Variants in CDR2 observed in about 807,000 individuals in gnomAD.
CDR2 encodes the protein cerebellar degeneration related protein 2, also known as cerebellar degeneration-related protein 2.
Under a neutral mutation model 48.4 loss-of-function variants are expected in CDR2, and 34 were observed. The observed-to-expected ratio is 0.70, with a 90% CI of 0.53 to 0.94. The LOEUF is 0.94. Among genes scored for constraint, CDR2 ranks in the 40% least tolerant of loss-of-function variants. The probability of loss-of-function intolerance (pLI) is 0.00; values close to 1 mark genes in which losing one functional copy is unlikely to be tolerated. For missense variants in CDR2, 498 were observed against 549.5 expected (o/e 0.91, Z 0.94); for synonymous variants, 240 against 219.7 (o/e 1.09, Z -0.82).
chr16:22,374,093 G>T (rs1179172769), intron 1 of CDR2, 138 bp downstream of exon 1: 2 of 552,424 alleles, frequency 3.6e-6, no homozygotes, highest in Non-Finnish European at 6.3e-6. Flanking sequence ...GGCACGGCCG[G>T]CCCAGCCGCC....
intron 2 of CDR2, among the ~76,000 whole-genome samples, chr16:22,362,601 G>A (rs1267384283): frequency 3.9e-5 from 6 of 152,290 alleles, no homozygotes; most frequent in African/African-American, 9.6e-5. Context: ...CATAGACTAC[G>A]ATAATACAAT....
rs913401691 is a variant in CDR2, at chr16:22,374,331, C to T, written c.-22G>A. On this transcript the variant is annotated 5_prime_UTR_variant, in exon 1 of 5. Coordinates refer to ENST00000268383, the MANE Select transcript of CDR2 (RefSeq NM_001802.2). ...GCATCTCGGCTGGGTCTTCTAGGGG[C>T]AGCGGCCCCCGCCGCCGTCCCGCCT... 4 of 1,553,288 alleles carry T rather than the reference C, an allele frequency of 2.6e-6. No individual in the cohort carries two copies. Among genetic ancestry groups the T allele is most frequent in the African/African-American group, 1.4e-5 (1 of 70,802 alleles).
At chr16:22,358,715 C>G (rs886270949) in intron 2 of CDR2, among the ~76,000 whole-genome samples, 1 of 152,042 alleles carries the variant, frequency 6.6e-6, no homozygotes, top group Non-Finnish European at 1.5e-5. Context: ...GAAATATTTC[C>G]TATTACTTTT....
chr16:22,351,242 T>C (rs1242580352), intron 2 of CDR2, among the ~76,000 whole-genome samples: 1 of 152,238 alleles, frequency 6.6e-6, no homozygotes, highest in Non-Finnish European at 1.5e-5. Flanking sequence ...TGTGCCACAT[T>C]TTCTTAATCC....
At chr16:22,364,724 G>A (rs1455952166) in intron 2 of CDR2, among the ~76,000 whole-genome samples, 178 bp downstream of exon 2, 7 of 152,120 alleles carry the variant, frequency 4.6e-5, no homozygotes, top group Admixed American at 4.6e-4. Flanking sequence ...TTAGCCAGGC[G>A]TGGTGGCAGG....
chr16:22,361,741 A>C (rs1238850920), intron 2 of CDR2, among the ~76,000 whole-genome samples: 1 of 152,208 alleles, frequency 6.6e-6, no homozygotes, highest in Admixed American at 6.5e-5. Context: ...TTCTTAGCCA[A>C]AAACAGCTTT....
intron 1 of CDR2, 129 bp from the exon 2 acceptor site, chr16:22,365,143 A>C (rs761162326): frequency 3.2e-6 from 2 of 623,204 alleles, no homozygotes; most frequent in Non-Finnish European, 5.7e-6. Flanking sequence ...GCACAGAAGG[A>C]AACCCGAGTT....
At chr16:22,358,167 TG>T (rs576856698) in intron 2 of CDR2, among the ~76,000 whole-genome samples, 1 of 152,044 alleles carries the variant, frequency 6.6e-6, no homozygotes, top group Non-Finnish European at 1.5e-5. Context: ...TAGAAGGAAA[TG>T]GGTTAGCTTA....
rs150205065 is a variant in CDR2, at chr16:22,347,185, G to C, written c.1145C>G (p.Ser382Cys). The change falls in exon 5 of 5, where the codon TCC (serine) becomes TGC (cysteine). Residue 382 changes from serine (S) to cysteine (C), a missense_variant. By Grantham distance (112) the Ser-to-Cys change is moderately radical (BLOSUM62 -1). Transcript: ENST00000268383. ...AGTCAGGTCCTTGGCTGCAGCCCTG[G>C]AGGTCTGCACAGCCTTGTGTGACAG... ...DSLSHKAVQTSRAAAKDLTGV... is the reference protein window; with the variant it reads ...DSLSHKAVQTCRAAAKDLTGV... The C allele has an allele frequency of 6.2e-7, 1 of 1,614,170 alleles. No individual in the cohort carries two copies. The highest frequency in any genetic ancestry group is 8.5e-7 in the Non-Finnish European group (1 of 1,179,990).
At chr16:22,364,114 AT>A (rs529678025) in intron 2 of CDR2, among the ~76,000 whole-genome samples, 4 of 150,238 alleles carry the variant, frequency 2.7e-5, no homozygotes, top group Non-Finnish European at 5.9e-5. Context: ...TAATTTTTGT[AT>A]TTTTTTTTGT....
chr16:22,374,164 A>T, intron 1 of CDR2, 67 bp downstream of exon 1: 1 of 1,058,544 alleles, frequency 9.4e-7, no homozygotes, highest in Non-Finnish European at 1.4e-6. Context: ...GCAACTTTTT[A>T]ACAGTTTCGC....
chr16:22,349,504 G>C, intron 3 of CDR2, 61 bp from the exon 4 acceptor site: 1 of 1,588,928 alleles, frequency 6.3e-7, no homozygotes, highest in South Asian at 1.1e-5. Flanking sequence ...CAAAAGCGGT[G>C]AGGAGAGATT....
rs560180031 is a variant in CDR2, at chr16:22,352,274, G to T, written c.193-2425C>A. Among the ~76,000 whole-genome samples the T allele has an allele frequency of 6.6e-5, 10 of 152,124 alleles. No individual in the cohort carries two copies. The South Asian group carries it at 2.1e-3, about 32-fold the overall frequency. ...CACAACACAACACACTCTTCTTGAG[G>T]CTTTTTCTACAACTCTAGAAGGATT... On this transcript the variant is annotated intron_variant, in intron 2 of 4. Coordinates refer to ENST00000268383, the MANE Select transcript of CDR2 (RefSeq NM_001802.2).
intron 2 of CDR2, among the ~76,000 whole-genome samples, chr16:22,363,190 C>T (rs916309767): frequency 3.9e-5 from 6 of 152,126 alleles, no homozygotes; most frequent in Non-Finnish European, 7.4e-5. Context: ...GATCTGCCTG[C>T]CTCTGCCTCC....
chr16:22,349,484 G>A, intron 3 of CDR2, 41 bp from the exon 4 acceptor site: 1 of 1,610,218 alleles, frequency 6.2e-7, no homozygotes. Flanking sequence ...TTGTCATATT[G>A]AATCAAGGGC....
intron 2 of CDR2, among the ~76,000 whole-genome samples, chr16:22,351,074 C>T (rs1039111361): frequency 1.3e-5 from 2 of 152,140 alleles, no homozygotes; most frequent in African/African-American, 4.8e-5. Context: ...CAAATGATCT[C>T]GTTGTTCAAT....
chr16:22,357,339 G>A (rs189123153), intron 2 of CDR2, among the ~76,000 whole-genome samples: 5 of 152,282 alleles, frequency 3.3e-5, no homozygotes, highest in Admixed American at 2.6e-4. Context: ...ATGAGCCACC[G>A]TGCCAGGCCA....
intron 2 of CDR2, among the ~76,000 whole-genome samples, chr16:22,351,653 G>A (rs2048943021): frequency 6.6e-6 from 1 of 152,170 alleles, no homozygotes; most frequent in African/African-American, 2.4e-5. Flanking sequence ...TTAATTTTAT[G>A]AGAGTTTTAT....
At position 22,349,428 on chromosome 16, in the gene CDR2, A is replaced by G. The variant is rs763276497; in HGVS notation, c.357T>C (p.Ile119=). Residue 119 remains isoleucine, a synonymous_variant, in exon 4 of 5, where the codon ATT becomes ATC. Transcript: ENST00000268383. The part of the protein sequence containing the change: ...QQKILSLTET[I]ECLQTNIDHL... ...GATCAATGTTGGTTTGCAGGCATTC[A>G]ATCGTTTCAGTCAGGCTGTGAGGAA... 6.2e-7 allele frequency: 1 copy of G among 1,614,190 alleles called. No individual in the cohort carries two copies. The highest frequency in any genetic ancestry group is 1.1e-5 in the South Asian group (1 of 91,082).
Sources: gnomAD v4.1 joint callset for allele counts (sites outside exome capture counted in the v4.1 genomes callset) on GRCh38, gnomAD v4.1.1 for gene constraint, MANE v1.5 for transcripts, NCBI Gene and HGNC (gene_info 2026-07-23, HGNC 2026-07-21) for gene names.